SNED1: variants seen among roughly 807,000 people sequenced by gnomAD.
SNED1 encodes the protein sushi, nidogen and EGF-like domain-containing protein 1.
A neutral mutation model predicts 166.7 loss-of-function variants in SNED1; 81 were observed. The ratio of observed to expected loss-of-function variants is 0.49; its 90% confidence interval spans 0.41 to 0.58. The LOEUF is 0.58. SNED1 is among the 20% of genes least tolerant of loss of function. The pLI is 0.00. For missense variants in SNED1, 1,604 were observed against 2,000.2 expected, an observed-to-expected ratio of 0.80 and a Z score of 3.78; for synonymous variants, 762 against 822.0, an observed-to-expected ratio of 0.93 and a Z score of 1.25.
At chr2:241,021,071 G>C (rs2060757945) in intron 1 of SNED1, among the ~76,000 whole-genome samples, 1 of 152,150 alleles carries the variant, frequency 6.6e-6, no homozygotes, top group Non-Finnish European at 1.5e-5. Flanking sequence ...CTTCCCTATG[G>C]GAACACCTCT....
chr2:241,081,141 T>C (rs2063307954), intron 27 of SNED1, among the ~76,000 whole-genome samples: 1 of 152,238 alleles, frequency 6.6e-6, no homozygotes, highest in South Asian at 2.1e-4. Context: ...CACGCATCCC[T>C]GGGCAGCAGC....
At chr2:241,047,146 C>CAAA (rs59981303) in intron 8 of SNED1, among the ~76,000 whole-genome samples, 2 of 68,140 alleles carry the variant, frequency 2.9e-5, no homozygotes, top group African/African-American at 4.6e-5. Flanking sequence ...GAGACTCTGT[C>CAAA]AAAAAAAAAA....
chr2:241,063,862 T>C (rs1441168871), intron 18 of SNED1, 150 bp from the exon 19 acceptor site: 2 of 483,400 alleles, frequency 4.1e-6, no homozygotes, highest in Admixed American at 6.5e-5. Flanking sequence ...GTGAGGGTGC[T>C]GGGGAGGGCT....
In SNED1 at chr2:241,036,853, C is replaced by G. The variant is rs756683657; in HGVS notation, c.869C>G (p.Thr290Arg). ...GGCAAGTGCATCGACGACTGCGTCA[C>G]GGGCAACCCCTCCTACACCTGCTCC... ...NGGKCIDDCV[T>R]GNPSYTCSCL... Residue 290 changes from threonine to arginine, a missense_variant, in exon 5 of 32, where the codon ACG becomes AGG. By Grantham distance (71) the Thr-to-Arg change is moderately conservative. Around this residue, in one of 2 missense-constraint regions of SNED1, gnomAD observed 1,237 missense variants for 1,620.8 expected, o/e 0.76. Transcript: ENST00000310397. 1.9e-6 allele frequency: 3 copies of G among 1,611,668 alleles called. No homozygotes were observed. The highest frequency in any genetic ancestry group is 1.1e-5 in the South Asian group (1 of 91,084).
In SNED1 at chr2:241,075,823, G is replaced by A. The variant is rs1187276339; in HGVS notation, c.3916+2459G>A. ...TTTTTTCACAAAGATGTAAAGTTTTGCTTTTGACCTGTAGGTCATTAATCT... is the reference window on the plus strand; with the variant it reads ...TTTTTTCACAAAGATGTAAAGTTTTACTTTTGACCTGTAGGTCATTAATCT... On this transcript the variant is annotated intron_variant, in intron 27 of 31. Transcript: ENST00000310397. This position sits in a 1 kb window ranked among gnomAD's most constrained non-coding sequence, Gnocchi z 4.8. 1 of 151,926 alleles carries A rather than the reference G, an allele frequency of 6.6e-6. No individual in the cohort carries two copies. The highest frequency in any genetic ancestry group is 1.5e-5 in the Non-Finnish European group (1 of 68,000). 9.4% of individuals were successfully genotyped at this position (151,926 alleles called of 1,614,324 possible).
chr2:241,063,922 A>ACTC, intron 18 of SNED1, 90 bp from the exon 19 acceptor site: 1 of 1,011,760 alleles, frequency 9.9e-7, no homozygotes, highest in Admixed American at 2.1e-5. Flanking sequence ...CCGCCCCTAG[A>ACTC]CTCCTCCTTT....
Position 241,036,289 on chromosome 2 carries a change from A to C in SNED1, c.806-501A>C, listed in dbSNP as rs573744683. Reference sequence around the variant, plus strand: ...CAGGCCCCCGCTTGCATCTGAGCTTAGGGAGTCCGGGCTCACGGGGCGGGG... The same window carrying C: ...CAGGCCCCCGCTTGCATCTGAGCTTCGGGAGTCCGGGCTCACGGGGCGGGG... On this transcript the variant is annotated intron_variant, in intron 4 of 31. Transcript: ENST00000310397. 1.9e-3 allele frequency among the ~76,000 whole-genome samples: 294 copies of C among 151,808 alleles called. 2 individuals carry two copies. The highest frequency in any genetic ancestry group is 3.6e-3 in the South Asian group (17 of 4,788).
intron 27 of SNED1, among the ~76,000 whole-genome samples, chr2:241,078,348 A>G (rs1475875447): frequency 6.7e-6 from 1 of 149,412 alleles, no homozygotes; most frequent in African/African-American, 2.5e-5. Context: ...GCGCCACTGC[A>G]CTGCAGCCTG....
chr2:241,082,089 C>T (rs1383298221), intron 28 of SNED1, among the ~76,000 whole-genome samples, 188 bp from the exon 29 acceptor site: 1 of 152,168 alleles, frequency 6.6e-6, no homozygotes, highest in Non-Finnish European at 1.5e-5. Context: ...CTCTCCACCC[C>T]CACAATACCA....
rs528480243 is a variant in SNED1, at chr2:241,089,105, C to A, written c.*1+703C>A. The stretch of plus-strand genomic sequence containing the variant: ...ACAAACTGCCGAATCTTAAACAACA[C>A]TGGCATTCTTCACAATCGTTTGCAA... On this transcript the variant is annotated intron_variant, in intron 31 of 31. Transcript: ENST00000310397. The A allele has an allele frequency of 7.7e-6, 4 of 520,722 alleles. No homozygotes were observed. In the South Asian group the frequency reaches 1.3e-4, roughly 17 times the overall value. The allele number at this position is 520,722 out of a possible 1,614,324, so 32.3% of individuals were successfully genotyped here.
In SNED1 at chr2:241,093,207, C is replaced by T. The variant is rs945152128; in HGVS notation, c.*1571C>T. 3 of 152,632 alleles carry T rather than the reference C, an allele frequency of 2.0e-5. No homozygotes were observed. The highest frequency in any genetic ancestry group is 4.4e-5 in the Non-Finnish European group (3 of 68,038). The allele number at this position is 152,632 out of a possible 1,614,324, so 9.5% of individuals were successfully genotyped here. ...GAAGGTGGAGCTCAATGAAGGGTCT[C>T]GAGCTCAGCGAAGGGTCACTGGGTG... On this transcript the variant is annotated 3_prime_UTR_variant, in exon 32 of 32. Coordinates refer to ENST00000310397, the MANE Select transcript of SNED1 (RefSeq NM_001080437.3).
At chr2:241,033,652 A>G (rs1243023551) in intron 2 of SNED1, 83 bp from the exon 3 acceptor site, 11 of 1,435,050 alleles carry the variant, frequency 7.7e-6, no homozygotes, top group African/African-American at 1.4e-5. Context: ...GGACAATGAC[A>G]GTGCACCAGG....
At chr2:241,063,944 G>T in intron 18 of SNED1, 68 bp from the exon 19 acceptor site, 4 of 1,194,434 alleles carry the variant, frequency 3.3e-6, no homozygotes, top group Non-Finnish European at 4.8e-6. Flanking sequence ...CCTTCTTCCC[G>T]CTGTCCTCTC....
intron 28 of SNED1, among the ~76,000 whole-genome samples, 189 bp from the exon 29 acceptor site, chr2:241,082,088 C>T (rs529028866): frequency 6.6e-6 from 1 of 152,272 alleles, no homozygotes; most frequent in East Asian, 1.9e-4. Context: ...ACTCTCCACC[C>T]CCACAATACC....
At chr2:241,085,952 C>T (rs774726495) in intron 29 of SNED1, among the ~76,000 whole-genome samples, 4 of 150,752 alleles carry the variant, frequency 2.7e-5, no homozygotes, top group Admixed American at 1.3e-4. Context: ...CTACAACCTC[C>T]GCCCTCCTGG....
chr2:241,085,688 T>A (rs1171054934), intron 29 of SNED1, among the ~76,000 whole-genome samples: 2 of 151,414 alleles, frequency 1.3e-5, no homozygotes, highest in Non-Finnish European at 2.9e-5. Context: ...TTTATGTTAC[T>A]GACGCTGGAT....
intron 29 of SNED1, among the ~76,000 whole-genome samples, chr2:241,086,113 C>T (rs577455908): frequency 4.1e-4 from 62 of 152,172 alleles, no homozygotes; most frequent in East Asian, 7.7e-4. Context: ...GTGATCGGCC[C>T]GCCTTGGCCT....
chr2:241,072,787 G>A (rs2062799587), intron 26 of SNED1: 1 of 192,266 alleles, frequency 5.2e-6, no homozygotes, highest in South Asian at 1.0e-4. Context: ...AAGCGGATAT[G>A]AAGTGCCCGA....
At chr2:241,084,397 A>G (rs144803105) in intron 29 of SNED1, among the ~76,000 whole-genome samples, 13 of 152,062 alleles carry the variant, frequency 8.5e-5, no homozygotes, top group African/African-American at 2.7e-4. Flanking sequence ...CAGGTGATCC[A>G]CCCACCTTGC....
Sources: allele counts gnomAD v4.1 joint callset (sites outside exome capture counted in the v4.1 genomes callset), GRCh38; gene constraint gnomAD v4.1.1; regional missense constraint gnomAD v4.1.1; non-coding constraint Gnocchi (gnomAD v3.1); transcripts MANE v1.5; gene names NCBI Gene and HGNC (gene_info 2026-07-23, HGNC 2026-07-21).